Variants in TNS3 observed in about 807,000 individuals in gnomAD.
TNS3 encodes tensin-3.
Under a neutral mutation model 140.9 loss-of-function variants are expected in TNS3, and 45 were observed. The observed-to-expected ratio is 0.32, with a 90% CI of 0.25 to 0.41. The LOEUF (loss-of-function observed/expected upper bound fraction) is 0.41. Among genes scored for constraint, TNS3 ranks in the 10% least tolerant of loss-of-function variants. TNS3 has a pLI of 1.00. For synonymous variants in TNS3, 815 were observed against 788.4 expected (o/e 1.03, Z -0.56); for missense variants, 1,716 against 1,906.7 (o/e 0.90, Z 1.86).
At chr7:47,468,321 A>G (rs1011740128) in intron 4 of TNS3, among the ~76,000 whole-genome samples, 3 of 152,130 alleles carry the variant, frequency 2.0e-5, no homozygotes, top group Non-Finnish European at 4.4e-5. Flanking sequence ...CACGCATATA[A>G]TCGCAGCTAC....
intron 16 of TNS3, among the ~76,000 whole-genome samples, chr7:47,378,936 G>A (rs571956986): frequency 6.6e-6 from 1 of 152,336 alleles, no homozygotes; most frequent in African/African-American, 2.4e-5. Flanking sequence ...GATGGGTCTG[G>A]TGCTGCACAA....
At chr7:47,578,431 A>T (rs1196260738) in intron 1 of TNS3, among the ~76,000 whole-genome samples, 1 of 152,122 alleles carries the variant, frequency 6.6e-6, no homozygotes, top group African/African-American at 2.4e-5. Flanking sequence ...GATGGCCCCC[A>T]TCCTCAGTCA....
At chr7:47,284,192 C>T (rs1004483596) in intron 27 of TNS3, among the ~76,000 whole-genome samples, 2 of 152,218 alleles carry the variant, frequency 1.3e-5, no homozygotes, top group African/African-American at 4.8e-5. Context: ...ACCCTCGTGT[C>T]CCAGGTGGAG....
At chr7:47,550,560 C>T (rs887739306) in intron 1 of TNS3, among the ~76,000 whole-genome samples, 6 of 152,184 alleles carry the variant, frequency 3.9e-5, no homozygotes, top group African/African-American at 1.4e-4. Context: ...AGCAGGGTCT[C>T]AATGGGCAAG....
intron 10 of TNS3, among the ~76,000 whole-genome samples, chr7:47,416,501 A>G (rs1379759719): frequency 6.6e-6 from 1 of 151,912 alleles, no homozygotes; most frequent in East Asian, 1.9e-4. Context: ...TTCAGTTACA[A>G]TTCGTAGTGA....
At chr7:47,367,731 G>A (rs1428540289) in intron 17 of TNS3, among the ~76,000 whole-genome samples, 1 of 151,956 alleles carries the variant, frequency 6.6e-6, no homozygotes, top group African/African-American at 2.4e-5. Context: ...TCCCATCACT[G>A]AGCTGCTCTC....
chr7:47,522,860 A>G (rs6970809), intron 2 of TNS3, among the ~76,000 whole-genome samples: 35,493 of 150,462 alleles, frequency 0.24, 4,323 homozygotes, highest in East Asian at 0.4. Flanking sequence ...CCTGGGAGGC[A>G]GAGCTTGCTG....
intron 1 of TNS3, among the ~76,000 whole-genome samples, chr7:47,550,661 C>T (rs1224159239): frequency 6.6e-6 from 1 of 152,150 alleles, no homozygotes; most frequent in Admixed American, 6.5e-5. Flanking sequence ...AGGCAATGAC[C>T]ATGCCTGGAA....
At chr7:47,534,277 A>T (rs1799523342) in intron 1 of TNS3, among the ~76,000 whole-genome samples, 1 of 152,004 alleles carries the variant, frequency 6.6e-6, no homozygotes, top group South Asian at 2.1e-4. Flanking sequence ...TCCATCTCAA[A>T]AAAAAGAAAA....
intron 4 of TNS3, among the ~76,000 whole-genome samples, chr7:47,457,108 AAGGGGAGGGGAGGGG>A (rs1163349578): frequency 1.0e-4 from 3 of 29,848 alleles, no homozygotes; most frequent in African/African-American, 2.7e-4. Flanking sequence ...TGTGCTGGTA[AAGGGGAGGGGAGGGG>A]AGGGGAGGGG....
chr7:47,492,656 T>C (rs904945842), intron 3 of TNS3, among the ~76,000 whole-genome samples: 3 of 152,260 alleles, frequency 2.0e-5, no homozygotes, highest in African/African-American at 7.2e-5. Context: ...GTTATGACCC[T>C]CTGCTCCTGT....
At chr7:47,464,185 A>G (rs923823161) in intron 4 of TNS3, among the ~76,000 whole-genome samples, 2 of 152,100 alleles carry the variant, frequency 1.3e-5, no homozygotes, top group Non-Finnish European at 2.9e-5. Flanking sequence ...TCTTTTCCAG[A>G]TTTATGTTCC....
chr7:47,398,992 C>G (rs748268802), intron 15 of TNS3, among the ~76,000 whole-genome samples: 1 of 141,928 alleles, frequency 7.0e-6, no homozygotes, highest in Admixed American at 7.3e-5. Context: ...GTTTCAAAAT[C>G]AATGTACACA....
At chr7:47,447,043 C>T (rs1033106095) in intron 4 of TNS3, among the ~76,000 whole-genome samples, 2 of 91,058 alleles carry the variant, frequency 2.2e-5, no homozygotes, top group Non-Finnish European at 2.8e-5. Flanking sequence ...ATCCTGGCCA[C>T]GTGACAAACT....
At chr7:47,458,287 T>C (rs151183409) in intron 4 of TNS3, among the ~76,000 whole-genome samples, 1 of 152,300 alleles carries the variant, frequency 6.6e-6, no homozygotes, top group East Asian at 1.9e-4. Flanking sequence ...CATGGGACAG[T>C]CACCTGGGGC....
At chr7:47,328,492 GC>G (rs1788154072) in intron 20 of TNS3, among the ~76,000 whole-genome samples, 1 of 138,504 alleles carries the variant, frequency 7.2e-6, no homozygotes, top group Non-Finnish European at 1.5e-5. Flanking sequence ...CCCCAAACCT[GC>G]CCCTCCAAAA....
chr7:47,511,341 C>T (rs1272607934), intron 2 of TNS3, among the ~76,000 whole-genome samples: 1 of 151,992 alleles, frequency 6.6e-6, no homozygotes, highest in African/African-American at 2.4e-5. Flanking sequence ...TAACCAGCCT[C>T]TTGATTAAGG....
chr7:47,389,629 A>C (rs1792392605), intron 16 of TNS3, among the ~76,000 whole-genome samples: 1 of 152,112 alleles, frequency 6.6e-6, no homozygotes, highest in African/African-American at 2.4e-5. Flanking sequence ...GGAGTGTATC[A>C]ATTTTTTGAA....
chr7:47,436,092 G>A (rs1000438096), intron 7 of TNS3, among the ~76,000 whole-genome samples: 2 of 152,168 alleles, frequency 1.3e-5, no homozygotes, highest in African/African-American at 4.8e-5. Flanking sequence ...GAAAGTCGTA[G>A]AAATAGTGTA....
Sources: allele counts gnomAD v4.1 joint callset (sites outside exome capture counted in the v4.1 genomes callset), GRCh38; gene constraint gnomAD v4.1.1; transcripts MANE v1.5; gene names NCBI Gene and HGNC (gene_info 2026-07-23, HGNC 2026-07-21).